The following SNX14 variants were observed in gnomAD, a reference collection of about 807,000 sequenced individuals.
SNX14 encodes the protein sorting nexin 14.
A neutral mutation model predicts 133.8 loss-of-function variants in SNX14; 93 were observed. The ratio of observed to expected loss-of-function variants is 0.70; its 90% CI spans 0.59 to 0.83. The LOEUF (loss-of-function observed/expected upper bound fraction) is 0.83. Among genes scored for constraint, SNX14 ranks in the 40% least tolerant of loss-of-function variants. SNX14 has a pLI of 0.00. For synonymous variants in SNX14, 368 were observed against 365.6 expected, an observed-to-expected ratio of 1.01 and a Z score of -0.07; for missense variants, 945 against 1,094.9, an observed-to-expected ratio of 0.86 and a Z score of 1.93.
At chr6:85,511,615 G>A (rs1400193014) in intron 26 of SNX14, among the ~76,000 whole-genome samples, 3 of 152,180 alleles carry the variant, frequency 2.0e-5, no homozygotes, top group Non-Finnish European at 4.4e-5. Flanking sequence ...GTGGGTGTTA[G>A]ATTTTGTCAA....
chr6:85,553,577 G>T (rs1233537257), intron 7 of SNX14, among the ~76,000 whole-genome samples: 1 of 152,112 alleles, frequency 6.6e-6, no homozygotes, highest in Admixed American at 6.6e-5. Context: ...GAGGTCAGGA[G>T]ATCGAGACCA....
In SNX14 at chr6:85,514,615, C is replaced by G. The variant is rs1256869027; in HGVS notation, c.2283G>C (p.Leu761=). 6.2e-7 allele frequency: 1 copy of G among 1,610,966 alleles called. No homozygotes were observed. The highest frequency in any genetic ancestry group is 1.1e-5 in the South Asian group (1 of 91,006). The stretch of plus-strand genomic sequence containing the variant: ...CAGCACGGTTTGCATTATTTTTAAA[C>G]AGATCATTGAAAAGCTAAAATAAAA... The part of the protein sequence containing the change: ...SENNKKLFND[L]FKNNANRAEN... Residue 761 remains leucine, a synonymous_variant, in exon 24 of 29, where the codon CTG becomes CTC. Coordinates refer to ENST00000314673, the MANE Select transcript of SNX14 (RefSeq NM_153816.6).
intron 23 of SNX14, among the ~76,000 whole-genome samples, chr6:85,515,546 CTG>C (rs1227091901): frequency 1.3e-5 from 2 of 151,888 alleles, no homozygotes; most frequent in African/African-American, 4.8e-5. Flanking sequence ...AGTAAGGAGA[CTG>C]TGGAGGAAAG....
At chr6:85,571,018 T>G (rs1795364467) in intron 4 of SNX14, among the ~76,000 whole-genome samples, 1 of 152,100 alleles carries the variant, frequency 6.6e-6, no homozygotes, top group East Asian at 1.9e-4. Flanking sequence ...GGAGCTACCA[T>G]ATTAGACAGA....
intron 1 of SNX14, among the ~76,000 whole-genome samples, chr6:85,588,344 C>G (rs1030513163): frequency 6.6e-6 from 1 of 151,978 alleles, no homozygotes; most frequent in East Asian, 1.9e-4. Flanking sequence ...GAGGCCGAGG[C>G]AGGCAGATCA....
At chr6:85,571,337 G>A (rs1460297541) in intron 4 of SNX14, among the ~76,000 whole-genome samples, 1 of 149,896 alleles carries the variant, frequency 6.7e-6, no homozygotes, top group Non-Finnish European at 1.5e-5. Context: ...TCCGGCCTGG[G>A]TGGCAGAGCA....
At chr6:85,592,381 A>T (rs1176388883) in intron 1 of SNX14, among the ~76,000 whole-genome samples, 1 of 152,238 alleles carries the variant, frequency 6.6e-6, no homozygotes, top group Non-Finnish European at 1.5e-5. Context: ...TTGGGAATCA[A>T]CTACCTTAAG....
intron 1 of SNX14, chr6:85,588,944 T>C (rs1423698364): frequency 2.2e-6 from 1 of 454,980 alleles, no homozygotes; most frequent in South Asian, 1.6e-5. Flanking sequence ...GGGGTTGGTC[T>C]TGCTGTCTGA....
At chr6:85,573,060 G>C (rs182980322) in intron 2 of SNX14, among the ~76,000 whole-genome samples, 1 of 152,184 alleles carries the variant, frequency 6.6e-6, no homozygotes, top group Non-Finnish European at 1.5e-5. Flanking sequence ...ACAAAGGTAC[G>C]AGGTAACTAT....
intron 18 of SNX14, among the ~76,000 whole-genome samples, chr6:85,531,348 G>A (rs1444329866): frequency 6.6e-6 from 1 of 152,172 alleles, no homozygotes; most frequent in Non-Finnish European, 1.5e-5. Context: ...AAGCACTTCT[G>A]TACAGTGCAT....
chr6:85,568,541 A>G (rs1250004433), intron 4 of SNX14: 6 of 152,244 alleles, frequency 3.9e-5, no homozygotes, highest in African/African-American at 1.4e-4. Context: ...ACAAAATAAA[A>G]CAAACCCTGG....
rs897985622 is a variant in SNX14 at position 85,593,809 on chromosome 6, C to G, written c.-91G>C. On this transcript the variant is annotated 5_prime_UTR_variant, in exon 1 of 29. Transcript: ENST00000314673. ...ACACCTCGCGTCCCCGCCCCACCGACTTGGCGGCGCACACAGACGCCTACC... is the reference window on the plus strand; with the variant it reads ...ACACCTCGCGTCCCCGCCCCACCGAGTTGGCGGCGCACACAGACGCCTACC... 5.7e-6 allele frequency: 9 copies of G among 1,577,732 alleles called. No individual in the cohort carries two copies. Among genetic ancestry groups the G allele is most frequent in the Non-Finnish European group, 6.9e-6 (8 of 1,167,178 alleles).
At position 85,547,272 on chromosome 6, in the gene SNX14, T is replaced by C. The variant is rs756904292; in HGVS notation, c.993+45A>G. ...AAGTTTAAGCTATATAAATGAGTTC[T>C]AAAATTGTTTATATCAAAAAGGTGT... On this transcript the variant is annotated intron_variant, in intron 11 of 28. Coordinates refer to ENST00000314673, the MANE Select transcript of SNX14 (RefSeq NM_153816.6). 8.7e-6 allele frequency: 14 copies of C among 1,610,562 alleles called. No individual in the cohort carries two copies. The East Asian group carries it at 3.1e-4, about 36-fold the overall frequency.
chr6:85,543,669 G>A lies in SNX14; in HGVS notation c.1200C>T (p.Tyr400=). 6.3e-7 allele frequency: 1 copy of A among 1,585,554 alleles called. No individual in the cohort carries two copies. The highest frequency in any genetic ancestry group is 1.2e-5 in the South Asian group (1 of 86,278). The change falls in exon 13 of 29, where the codon TAC becomes TAT. Residue 400 remains tyrosine, a synonymous_variant. Transcript: ENST00000314673. ...TTTTGTCAATACTTTCATCCAAACAGTATGTTTTATAAATCTTCTGCAATT... is the reference window on the plus strand; with the variant it reads ...TTTTGTCAATACTTTCATCCAAACAATATGTTTTATAAATCTTCTGCAATT... The part of the protein sequence containing the change: ...HEELQKIYKT[Y]CLDESIDKIR...
intron 27 of SNX14, 33 bp from the exon 28 acceptor site, chr6:85,507,322 T>A (rs1277103879): frequency 4.5e-6 from 7 of 1,547,178 alleles, no homozygotes; most frequent in Non-Finnish European, 6.2e-6. Context: ...TAATAAATGT[T>A]AAGGCACTAA....
chr6:85,527,195 C>G (rs921612550), intron 20 of SNX14, among the ~76,000 whole-genome samples: 1 of 152,076 alleles, frequency 6.6e-6, no homozygotes, highest in Non-Finnish European at 1.5e-5. Flanking sequence ...TAATTTAAAT[C>G]CATATTACAA....
chr6:85,533,353 C>T (rs1780862213), intron 18 of SNX14, among the ~76,000 whole-genome samples: 1 of 152,184 alleles, frequency 6.6e-6, no homozygotes, highest in African/African-American at 2.4e-5. Flanking sequence ...CATTGAATGC[C>T]TGATGGACTG....
intron 20 of SNX14, among the ~76,000 whole-genome samples, chr6:85,527,397 A>T (rs949030431): frequency 6.5e-4 from 89 of 135,914 alleles, no homozygotes; most frequent in East Asian, 1.3e-3. Context: ...ATATATATAT[A>T]TTTTTTTTTC....
chr6:85,572,468 T>C, intron 2 of SNX14, 94 bp from the exon 3 acceptor site: 1 of 968,422 alleles, frequency 1.0e-6, no homozygotes, highest in Non-Finnish European at 1.6e-6. Context: ...TTAAAATCAA[T>C]GTATAAATTC....
Sources: gnomAD v4.1 joint callset for allele counts (sites outside exome capture counted in the v4.1 genomes callset) on GRCh38, gnomAD v4.1.1 for gene constraint, MANE v1.5 for transcripts, NCBI Gene and HGNC (gene_info 2026-07-23, HGNC 2026-07-21) for gene names.